The following GSE1 variants were observed in gnomAD, a reference collection of about 807,000 sequenced individuals.
GSE1 encodes the protein genetic suppressor element 1.
A neutral mutation model predicts 112.6 loss-of-function variants in GSE1; 32 were observed. The ratio of observed to expected loss-of-function variants is 0.28; its 90% CI spans 0.21 to 0.38. GSE1 has a LOEUF of 0.38. Ranked by LOEUF, GSE1 falls within the 10% of genes least tolerant of loss-of-function variation. GSE1 has a pLI of 1.00. For synonymous variants in GSE1, 1,115 were observed against 735.6 expected (o/e 1.52, Z -8.35); for missense variants, 2,348 against 1,699.2 (o/e 1.38, Z -6.71).
At position 85,573,238 on chromosome 16, in the gene GSE1, A is replaced by G. The variant is rs1234892896; in HGVS notation, c.37+16875A>G. On this transcript the variant is annotated intron_variant, in intron 1 of 2. Transcript: ENST00000635906. ...GGCCTCGAAGTCCTGGACTCAAGCCATGTTCACTTTCTGAGTAGCGGTGAC... is the reference window on the plus strand; with the variant it reads ...GGCCTCGAAGTCCTGGACTCAAGCCGTGTTCACTTTCTGAGTAGCGGTGAC... 2.6e-5 allele frequency among the ~76,000 whole-genome samples: 4 copies of G among 152,062 alleles called. No individual in the cohort carries two copies. In the East Asian group the frequency reaches 5.8e-4, roughly 22 times the overall value.
chr16:85,354,238 A>G (rs946596623), intron 1 of GSE1, among the ~76,000 whole-genome samples: 2 of 152,164 alleles, frequency 1.3e-5, no homozygotes, highest in Non-Finnish European at 2.9e-5. Flanking sequence ...TGTGTCCCCC[A>G]GTTGCTTTGT....
At chr16:85,536,159 G>C (rs929258604) in intron 2 of GSE1, among the ~76,000 whole-genome samples, 1 of 152,226 alleles carries the variant, frequency 6.6e-6, no homozygotes, top group Admixed American at 6.5e-5. Flanking sequence ...GCGATTAATG[G>C]GTTTTGGCCA....
chr16:85,174,484 C>T (rs931611014), intron 1 of GSE1, among the ~76,000 whole-genome samples: 3 of 152,210 alleles, frequency 2.0e-5, no homozygotes, highest in African/African-American at 7.2e-5. Context: ...GATTGACAGC[C>T]GGGAGAATGC....
chr16:85,419,296 T>C lies in GSE1; in HGVS notation c.2464+61653T>C, dbSNP rs1357585055. On this transcript the variant is annotated intron_variant, in intron 2 of 2. Coordinates refer to the GSE1 transcript ENST00000637419. This position sits in a 1 kb window ranked among gnomAD's most constrained non-coding sequence, Gnocchi z 6.5. ...AGAGGCCACCTCAGGAGGCAACATT[T>C]AGAGTCGGGGTCAGGGTTTGAGAAT... Among the ~76,000 whole-genome samples the C allele has an allele frequency of 6.6e-6, 1 of 152,060 alleles. No homozygotes were observed. The highest frequency in any genetic ancestry group is 1.5e-5 in the Non-Finnish European group (1 of 68,008).
chr16:85,231,382 A>C (rs574408307), intron 1 of GSE1, among the ~76,000 whole-genome samples: 1 of 149,162 alleles, frequency 6.7e-6, no homozygotes, highest in African/African-American at 2.5e-5. Context: ...AGATGGATGG[A>C]TGATGATGGA....
intron 2 of GSE1, among the ~76,000 whole-genome samples, chr16:85,548,097 C>T (rs1255616883): frequency 2.0e-5 from 3 of 151,096 alleles, no homozygotes; most frequent in African/African-American, 4.9e-5. Flanking sequence ...GGCGTGGTGG[C>T]GCATGCCTGT....
At chr16:85,635,130 A>T (rs2049880253) in intron 2 of GSE1, among the ~76,000 whole-genome samples, 1 of 152,180 alleles carries the variant, frequency 6.6e-6, no homozygotes, top group African/African-American at 2.4e-5. Context: ...TGCCCTGACC[A>T]GGGCGGGCTG....
At chr16:85,403,377 G>A (rs745470901) in intron 2 of GSE1, among the ~76,000 whole-genome samples, 3 of 152,224 alleles carry the variant, frequency 2.0e-5, no homozygotes, top group South Asian at 2.1e-4. Flanking sequence ...ACCAGGAGGC[G>A]TGGTCATTGG....
intron 2 of GSE1, among the ~76,000 whole-genome samples, chr16:85,364,156 T>C (rs879906239): frequency 7.9e-5 from 12 of 152,242 alleles, no homozygotes; most frequent in Non-Finnish European, 1.3e-4. Flanking sequence ...TTCTGTGCCT[T>C]CTGCAGCTTC....
intron 2 of GSE1, among the ~76,000 whole-genome samples, chr16:85,381,936 C>G (rs1325194269): frequency 6.6e-6 from 1 of 152,214 alleles, no homozygotes; most frequent in Non-Finnish European, 1.5e-5. Context: ...GCTTCCAGGC[C>G]TGCTCACAGA....
At chr16:85,557,363 C>G (rs778225229) in intron 1 of GSE1, among the ~76,000 whole-genome samples, 4 of 152,124 alleles carry the variant, frequency 2.6e-5, no homozygotes, top group Non-Finnish European at 4.4e-5. Context: ...AGTTGATCTC[C>G]CTTGAGCTTT....
intron 1 of GSE1, among the ~76,000 whole-genome samples, chr16:85,294,628 T>A (rs1311811519): frequency 8.0e-6 from 1 of 124,784 alleles, no homozygotes; most frequent in Admixed American, 7.8e-5. Flanking sequence ...TCTCTCTCTC[T>A]CTCTCTCTCT....
intron 2 of GSE1, among the ~76,000 whole-genome samples, chr16:85,541,274 G>A (rs745566320): frequency 1.8e-4 from 27 of 152,356 alleles, no homozygotes; most frequent in Admixed American, 3.3e-4. Context: ...AGGACAGCTT[G>A]AGTTGGGGGT....
chr16:85,671,180 G>C (rs1049656809), intron 15 of GSE1, 82 bp downstream of exon 15: 3 of 795,154 alleles, frequency 3.8e-6, no homozygotes, highest in African/African-American at 3.4e-5. Context: ...ATAAGTTTCA[G>C]AGAGGAAATG....
At chr16:85,262,864 C>T (rs922130034) in intron 1 of GSE1, among the ~76,000 whole-genome samples, 3 of 152,194 alleles carry the variant, frequency 2.0e-5, no homozygotes, top group African/African-American at 7.2e-5. Flanking sequence ...CCTCTGGGTT[C>T]CTCCATTCTG....
intron 1 of GSE1, among the ~76,000 whole-genome samples, chr16:85,581,723 C>T (rs2046456505): frequency 6.6e-6 from 1 of 152,178 alleles, no homozygotes; most frequent in African/African-American, 2.4e-5. Context: ...ATTGGGCTGA[C>T]CTGTGACCTG....
chr16:85,204,583 T>C (rs553331471), intron 1 of GSE1, among the ~76,000 whole-genome samples: 2 of 152,384 alleles, frequency 1.3e-5, no homozygotes, highest in East Asian at 1.9e-4. Flanking sequence ...CCAGCACTTC[T>C]TGTTATTTGC....
At chr16:85,577,375 G>A (rs1386284703) in intron 1 of GSE1, among the ~76,000 whole-genome samples, 1 of 152,186 alleles carries the variant, frequency 6.6e-6, no homozygotes, top group African/African-American at 2.4e-5. Context: ...TCCCTGCAAG[G>A]GTGGTGGAGG....
At chr16:85,672,238 G>A (rs765830424) in intron 15 of GSE1, 167 bp from the exon 16 acceptor site, 8 of 607,000 alleles carry the variant, frequency 1.3e-5, no homozygotes, top group Non-Finnish European at 2.1e-5. Context: ...CAGGTGATCT[G>A]CCCGCCTCGA....
Sources: allele counts gnomAD v4.1 joint callset (sites outside exome capture counted in the v4.1 genomes callset), GRCh38; gene constraint gnomAD v4.1.1; non-coding constraint Gnocchi (gnomAD v3.1); transcripts MANE v1.5; gene names NCBI Gene and HGNC (gene_info 2026-07-23, HGNC 2026-07-21).